The following GLS variants were observed in gnomAD, a reference collection of about 807,000 sequenced individuals.
The protein encoded by GLS is glutaminase.
A neutral mutation model predicts 86.7 loss-of-function variants in GLS; 36 were observed. The ratio of observed to expected loss-of-function variants is 0.42; its 90% CI spans 0.32 to 0.55. GLS has a LOEUF of 0.55. Among genes scored for constraint, GLS ranks in the 20% least tolerant of loss-of-function variants. The probability of loss-of-function intolerance (pLI) is 0.17; values close to 1 mark genes in which losing one functional copy is unlikely to be tolerated. For missense variants in GLS, 528 were observed against 833.4 expected (o/e 0.63, Z 4.51); for synonymous variants, 317 against 305.9 (o/e 1.04, Z -0.38).
Position 190,930,666 on chromosome 2 carries a change from C to A in GLS, c.1557+98C>A. The A allele has an allele frequency of 8.8e-7, 1 of 1,131,238 alleles. No homozygotes were observed. Among genetic ancestry groups the A allele is most frequent in the Non-Finnish European group, 1.3e-6 (1 of 787,710 alleles). 70.1% of individuals were successfully genotyped at this position (1,131,238 alleles called of 1,614,324 possible). On this transcript the variant is annotated intron_variant, in intron 13 of 17. Coordinates refer to ENST00000320717, the MANE Select transcript of GLS (RefSeq NM_014905.5). This position sits in a 1 kb window ranked among gnomAD's most constrained non-coding sequence, Gnocchi z 5.0. ...TTTTCCATAGTTCATTAACTCTTGG[C>A]CCTCCGCCTATAGTGTGCCAGTTAC...
chr2:190,906,688 T>C (rs1214109454), intron 6 of GLS, among the ~76,000 whole-genome samples: 2 of 152,212 alleles, frequency 1.3e-5, no homozygotes, highest in African/African-American at 4.8e-5. Flanking sequence ...GATTAGAGCC[T>C]GTGCTCTTGA....
chr2:190,882,535 T>A (rs764509480), intron 1 of GLS, among the ~76,000 whole-genome samples: 1 of 152,256 alleles, frequency 6.6e-6, no homozygotes, highest in African/African-American at 2.4e-5. Context: ...CTTTTATTTC[T>A]GCTGCTATTT....
chr2:190,961,259 C>T (rs1431905166), intron 17 of GLS, among the ~76,000 whole-genome samples: 5 of 152,140 alleles, frequency 3.3e-5, no homozygotes, highest in African/African-American at 4.8e-5. Flanking sequence ...AGTGCAGTGG[C>T]GTGATCTCGT....
Position 190,938,031 on chromosome 2 carries a change from C to CT in GLS, c.1650+6395dup, listed in dbSNP as rs1303079268. 6.6e-6 allele frequency among the ~76,000 whole-genome samples: 1 copy of CT among 151,102 alleles called. No individual in the cohort carries two copies. The highest frequency in any genetic ancestry group is 1.5e-5 in the Non-Finnish European group (1 of 67,336). ...TAACATTTTTACTATACATTTAACT[C>CT]TAAATCTCATTTACTAATTATGGAA... is the stretch of plus-strand genomic sequence containing the variant. On this transcript the variant is annotated intron_variant, in intron 14 of 17. Coordinates refer to ENST00000320717, the MANE Select transcript of GLS (RefSeq NM_014905.5). This position sits in a 1 kb window ranked among gnomAD's most constrained non-coding sequence, Gnocchi z 4.1.
Position 190,930,070 on chromosome 2 carries a change from G to GT in GLS, c.1426-353dup, listed in dbSNP as rs1162406978. On this transcript the variant is annotated intron_variant, in intron 12 of 17. Transcript: ENST00000320717. The surrounding 1 kb of genome is among the most constrained non-coding windows in gnomAD (Gnocchi z 5.0). ...ATTTTTAAACCAATTTCCCAATTGT[G>GT]TTTTTTTTTTTTTTGAAACTGGATC... Among the ~76,000 whole-genome samples, 1,373 of 135,314 alleles carry GT rather than the reference G, an allele frequency of 0.01. 23 individuals are homozygous for GT. Among genetic ancestry groups the GT allele is most frequent in the East Asian group, 0.057 (269 of 4,680 alleles). 88.8% of individuals were successfully genotyped at this position (135,314 alleles called of 152,430 possible). A position where few individuals can be genotyped will look rare whatever the true frequency, so the allele number is the denominator to read the frequency against.
intron 5 of GLS, among the ~76,000 whole-genome samples, chr2:190,903,722 A>C (rs931575351): frequency 1.3e-5 from 2 of 152,214 alleles, no homozygotes; most frequent in Non-Finnish European, 2.9e-5. Context: ...AAAGGTAGTA[A>C]GACAAGCTCT....
chr2:190,912,339 A>T (rs1385517848), intron 7 of GLS, among the ~76,000 whole-genome samples: 1 of 140,352 alleles, frequency 7.1e-6, no homozygotes, highest in Non-Finnish European at 1.5e-5. Flanking sequence ...CATGTGTTTC[A>T]CAAGTGCTTT....
intron 9 of GLS, among the ~76,000 whole-genome samples, chr2:190,923,156 C>G (rs1056918454): frequency 2.0e-5 from 3 of 152,156 alleles, no homozygotes; most frequent in African/African-American, 7.2e-5. Context: ...TCTTTTTCCC[C>G]TTTTTCAAAC....
rs1240401136 is a variant in GLS at position 190,931,597 on chromosome 2, C to CA, written c.1617dup (p.Leu540ThrfsTer2). 7.6e-6 allele frequency: 12 copies of CA among 1,583,826 alleles called. No individual in the cohort carries two copies. The highest frequency in any genetic ancestry group is 8.7e-6 in the Non-Finnish European group (10 of 1,155,732). On this transcript the variant is annotated frameshift_variant, in exon 14 of 18. Transcript: ENST00000320717. LOFTEE classifies it high-confidence loss of function. ...AACTATGATAATTTGAGACACTTTG[C>CA]AAAAAAACTTGATCCTCGAAGAGAA...
chr2:190,890,116 T>C (rs1336954675), intron 1 of GLS, among the ~76,000 whole-genome samples: 3 of 152,154 alleles, frequency 2.0e-5, no homozygotes, highest in Admixed American at 2.0e-4. Context: ...TTATGTGACA[T>C]TGGACATTCT....
In GLS at chr2:190,930,308, T is replaced by C; in HGVS notation, c.1426-129T>C. On this transcript the variant is annotated intron_variant, in intron 12 of 17. Coordinates refer to ENST00000320717, the MANE Select transcript of GLS (RefSeq NM_014905.5). The surrounding 1 kb of genome is among the most constrained non-coding windows in gnomAD (Gnocchi z 5.0). Reference sequence around the variant, plus strand: ...CCTGGGCTCAAGTGATCTGCTTGCCTTGGCCTCCCAAAGTGCTGAGATTAC... The same window carrying C: ...CCTGGGCTCAAGTGATCTGCTTGCCCTGGCCTCCCAAAGTGCTGAGATTAC... 2 of 667,928 alleles carry C rather than the reference T, an allele frequency of 3.0e-6. No individual in the cohort carries two copies. The highest frequency in any genetic ancestry group is 3.5e-5 in the South Asian group (2 of 56,662). The allele number at this position is 667,928 out of a possible 1,614,324, so 41.4% of individuals were successfully genotyped here.
chr2:190,923,314 T>C (rs571762754), intron 9 of GLS, among the ~76,000 whole-genome samples: 33 of 152,220 alleles, frequency 2.2e-4, no homozygotes, highest in Non-Finnish European at 4.6e-4. Context: ...CCTTTGTTTG[T>C]TTGATGTTTT....
chr2:190,934,234 A>G, intron 14 of GLS: 1 of 958,052 alleles, frequency 1.0e-6, no homozygotes, highest in Non-Finnish European at 1.2e-6. Flanking sequence ...AATATAGTGT[A>G]GCAAAAAAGA....
At position 190,963,863 on chromosome 2, in the gene GLS, C is replaced by G. The variant is rs1219481792; in HGVS notation, c.*877C>G. On this transcript the variant is annotated 3_prime_UTR_variant, in exon 18 of 18. Transcript: ENST00000320717. ...GTATAAATTAGTCAAGTTTATCAGT[C>G]TAAAAAACGAAGGGATGTGCAACTG... 1.3e-5 allele frequency: 2 copies of G among 151,536 alleles called. No homozygotes were observed. The highest frequency in any genetic ancestry group is 2.9e-5 in the Non-Finnish European group (2 of 67,930). 9.4% of individuals were successfully genotyped at this position (151,536 alleles called of 1,614,324 possible).
Position 190,955,073 on chromosome 2 carries a change from A to AT in GLS, c.1853+265dup, listed in dbSNP as rs534855624. 7.3e-3 allele frequency among the ~76,000 whole-genome samples: 1,092 copies of AT among 149,706 alleles called. 1 individual carries two copies. Among genetic ancestry groups the AT allele is most frequent in the African/African-American group, 0.01 (410 of 40,848 alleles). On this transcript the variant is annotated intron_variant, in intron 17 of 17. Coordinates refer to ENST00000320717, the MANE Select transcript of GLS (RefSeq NM_014905.5). This position sits in a 1 kb window ranked among gnomAD's most constrained non-coding sequence, Gnocchi z 5.6. ...GTCAATACACTGTATGAACAAAACA[A>AT]TTTTTTTTTTGCATTTGGGAAGAAA...
intron 14 of GLS, chr2:190,933,916 T>C (rs1423219580): frequency 2.2e-6 from 2 of 916,134 alleles, no homozygotes; most frequent in African/African-American, 1.8e-5. Flanking sequence ...TAAATCCTTT[T>C]ATTTGGTATA....
At chr2:190,934,238 A>G in intron 14 of GLS, 4 of 959,274 alleles carry the variant, frequency 4.2e-6, no homozygotes, top group Non-Finnish European at 5.0e-6. Context: ...TAGTGTAGCA[A>G]AAAAGATTTC....
In GLS at chr2:190,914,088, G is replaced by T. The variant is rs1400134445; in HGVS notation, c.1038+3767G>T. The stretch of plus-strand genomic sequence containing the variant: ...ATGACAGGCATTAGCCACTCTACTT[G>T]GCATGCCTCATTCTAGTGGTAGTTT... On this transcript the variant is annotated intron_variant, in intron 7 of 17. Transcript: ENST00000320717. The surrounding 1 kb of genome is among the most constrained non-coding windows in gnomAD (Gnocchi z 4.4). Among the ~76,000 whole-genome samples, 1 of 152,072 alleles carries T rather than the reference G, an allele frequency of 6.6e-6. No individual in the cohort carries two copies. The highest frequency in any genetic ancestry group is 2.4e-5 in the African/African-American group (1 of 41,414).
At chr2:190,959,619 C>CT (rs1690951950) in intron 17 of GLS, among the ~76,000 whole-genome samples, 1 of 152,104 alleles carries the variant, frequency 6.6e-6, no homozygotes, top group South Asian at 2.1e-4. Context: ...GAAGCATAAA[C>CT]TTTAAGATGA....
Sources: gnomAD v4.1 joint callset for allele counts (sites outside exome capture counted in the v4.1 genomes callset) on GRCh38, gnomAD v4.1.1 for gene constraint, Gnocchi (gnomAD v3.1) non-coding constraint, MANE v1.5 for transcripts, NCBI Gene and HGNC (gene_info 2026-07-23, HGNC 2026-07-21) for gene names.